MCTP2: variants seen among roughly 807,000 people sequenced by gnomAD.
MCTP2 encodes the protein multiple C2 and transmembrane domain containing 2.
In MCTP2, 132 loss-of-function variants were observed where a neutral mutation model predicts 111.6. That is an observed-to-expected ratio of 1.18 (90% CI 1.03 to 1.37). The LOEUF is 1.37. MCTP2 is among the 40% of genes most tolerant of loss of function. The pLI is 0.00. For missense variants in MCTP2, 1,183 were observed against 1,067.9 expected, an observed-to-expected ratio of 1.11 and a Z score of -1.50; for synonymous variants, 395 against 387.7, an observed-to-expected ratio of 1.02 and a Z score of -0.22.
chr15:94,436,813 T>C (rs2083500384), intron 17 of MCTP2, among the ~76,000 whole-genome samples: 1 of 152,048 alleles, frequency 6.6e-6, no homozygotes, highest in Non-Finnish European at 1.5e-5. Flanking sequence ...ATTTACCCAG[T>C]AGACAGGCAT....
intron 4 of MCTP2, among the ~76,000 whole-genome samples, chr15:94,323,401 TTAATACCCATGAA>T (rs2076712673): frequency 6.6e-6 from 1 of 152,196 alleles, no homozygotes; most frequent in Non-Finnish European, 1.5e-5. Context: ...TTAAGCATGC[TTAATACCCATGAA>T]TAATCATGGG....
intron 21 of MCTP2, among the ~76,000 whole-genome samples, chr15:94,476,099 C>T (rs1458673359): frequency 6.6e-6 from 1 of 152,170 alleles, no homozygotes; most frequent in African/African-American, 2.4e-5. Context: ...TTCTGTTCTG[C>T]TGTGAGAGGA....
chr15:94,376,473 C>A (rs1166135278), intron 12 of MCTP2, among the ~76,000 whole-genome samples: 1 of 152,188 alleles, frequency 6.6e-6, no homozygotes, highest in East Asian at 1.9e-4. Flanking sequence ...CACATACTGG[C>A]CTTAGGCTCC....
chr15:94,345,635 G>A (rs2077937696), intron 8 of MCTP2, among the ~76,000 whole-genome samples: 1 of 152,070 alleles, frequency 6.6e-6, no homozygotes, highest in South Asian at 2.1e-4. Flanking sequence ...TGAATTGCTG[G>A]TTATTTAGTT....
intron 1 of MCTP2, 37 bp from the exon 2 acceptor site, chr15:94,298,160 TTTTG>T (rs894880128): frequency 9.2e-6 from 8 of 870,666 alleles, no homozygotes; most frequent in Admixed American, 2.8e-5. Context: ...TGTTTTTTTT[TTTTG>T]TTTGTTTGTT....
At chr15:94,325,178 T>C (rs971283658) in intron 4 of MCTP2, among the ~76,000 whole-genome samples, 1 of 152,140 alleles carries the variant, frequency 6.6e-6, no homozygotes, top group Non-Finnish European at 1.5e-5. Flanking sequence ...GAGTTTGGAT[T>C]CTAGCTCAGA....
At chr15:94,256,270 G>A (rs2072763137) in intron 1 of MCTP2, among the ~76,000 whole-genome samples, 1 of 152,082 alleles carries the variant, frequency 6.6e-6, no homozygotes, top group African/African-American at 2.4e-5. Flanking sequence ...TTAATTTAGT[G>A]TTTAGACTTG....
At chr15:94,366,131 T>G (rs1414478870) in intron 10 of MCTP2, among the ~76,000 whole-genome samples, 2 of 152,162 alleles carry the variant, frequency 1.3e-5, no homozygotes, top group Non-Finnish European at 2.9e-5. Context: ...ATAAAAATAT[T>G]TATTAACCTA....
intron 17 of MCTP2, among the ~76,000 whole-genome samples, chr15:94,414,726 A>C (rs1325603642): frequency 6.6e-6 from 1 of 152,076 alleles, no homozygotes; most frequent in Non-Finnish European, 1.5e-5. Context: ...TATTTTTCCC[A>C]ATGACTCTCT....
intron 1 of MCTP2, among the ~76,000 whole-genome samples, chr15:94,256,207 A>G (rs746739522): frequency 3.3e-5 from 5 of 152,202 alleles, no homozygotes; most frequent in Non-Finnish European, 7.3e-5. Flanking sequence ...AAAATTATTG[A>G]AATATTGTAT....
Position 94,480,596 on chromosome 15 carries a change from C to T in MCTP2, c.*1562C>T, listed in dbSNP as rs1463589909. On this transcript the variant is annotated 3_prime_UTR_variant, in exon 23 of 23. Coordinates refer to ENST00000357742, the MANE Select transcript of MCTP2 (RefSeq NM_001385001.1). Reference sequence around the variant, plus strand: ...ATACCCAAGAACCTCTTTTGTTAAACCAGTTACTCAATCTTCTGTGTAAAC... The same window carrying T: ...ATACCCAAGAACCTCTTTTGTTAAATCAGTTACTCAATCTTCTGTGTAAAC... 6.6e-6 allele frequency: 1 copy of T among 152,196 alleles called. No homozygotes were observed. Among genetic ancestry groups the T allele is most frequent in the Admixed American group, 6.5e-5 (1 of 15,288 alleles). The allele number at this position is 152,196 out of a possible 1,614,324, so 9.4% of individuals were successfully genotyped here.
intron 14 of MCTP2, among the ~76,000 whole-genome samples, chr15:94,393,615 G>A (rs958044488): frequency 3.3e-5 from 5 of 152,044 alleles, no homozygotes; most frequent in Non-Finnish European, 7.4e-5. Context: ...AACAAAAATC[G>A]CCATCAGATA....
chr15:94,311,793 A>G (rs899987849), intron 2 of MCTP2, among the ~76,000 whole-genome samples: 1 of 152,206 alleles, frequency 6.6e-6, no homozygotes, highest in Admixed American at 6.5e-5. Context: ...CTCTGTTTTC[A>G]TTTTTGATAA....
chr15:94,411,212 C>G (rs1567653268), intron 17 of MCTP2, among the ~76,000 whole-genome samples: 1 of 151,048 alleles, frequency 6.6e-6, no homozygotes, highest in Admixed American at 6.6e-5. Flanking sequence ...CAGTTATAAC[C>G]AATTCCTTAT....
At chr15:94,251,142 T>C (rs903256600) in intron 1 of MCTP2, among the ~76,000 whole-genome samples, 13 of 152,172 alleles carry the variant, frequency 8.5e-5, no homozygotes, top group Admixed American at 1.3e-4. Context: ...GCTGCATTCC[T>C]GCAGAGCTGC....
chr15:94,264,333 G>A (rs947693590), intron 1 of MCTP2, among the ~76,000 whole-genome samples: 2 of 152,166 alleles, frequency 1.3e-5, no homozygotes, highest in Non-Finnish European at 2.9e-5. Context: ...TTGAGGCTGG[G>A]CGCGGTGGCT....
rs201001877 is a variant in MCTP2, at chr15:94,425,668, AAAGAG to A, written c.2086-14505_2086-14501del. Among the ~76,000 whole-genome samples, 1,009 of 152,298 alleles carry A rather than the reference AAAGAG, an allele frequency of 6.6e-3. 7 individuals carry two copies. Among genetic ancestry groups the A allele is most frequent in the Middle Eastern group, 0.031 (9 of 294 alleles). Reference sequence around the variant, plus strand: ...TCTTTTCTCAGCGTTTTCAATGTACAAAGAGAAAAGACACAAACAGGCATTGGAAG... The same window carrying A: ...TCTTTTCTCAGCGTTTTCAATGTACAAAAAGACACAAACAGGCATTGGAAG... On this transcript the variant is annotated intron_variant, in intron 17 of 22. Transcript: ENST00000357742.
intron 17 of MCTP2, among the ~76,000 whole-genome samples, chr15:94,414,639 CT>C (rs2082296671): frequency 6.6e-6 from 1 of 152,100 alleles, no homozygotes; most frequent in African/African-American, 2.4e-5. Flanking sequence ...GATTTAAAAG[CT>C]TGCAGTGCAA....
intron 17 of MCTP2, among the ~76,000 whole-genome samples, chr15:94,412,700 TTTG>T (rs2082205899): frequency 1.3e-5 from 2 of 152,216 alleles, no homozygotes; most frequent in South Asian, 4.1e-4. Flanking sequence ...TAAGTATGCC[TTTG>T]TTAATAGCCA....
Sources: allele counts gnomAD v4.1 joint callset (sites outside exome capture counted in the v4.1 genomes callset), GRCh38; gene constraint gnomAD v4.1.1; transcripts MANE v1.5; gene names NCBI Gene and HGNC (gene_info 2026-07-23, HGNC 2026-07-21).